GALNT18: variants seen among roughly 807,000 people sequenced by gnomAD.
GALNT18 encodes the protein polypeptide N-acetylgalactosaminyltransferase 18, also known as GalNAc-transferase 18.
Under a neutral mutation model 69.5 loss-of-function variants are expected in GALNT18, and 44 were observed. The observed-to-expected ratio is 0.63, with a 90% CI of 0.50 to 0.81. The LOEUF (loss-of-function observed/expected upper bound fraction) is 0.81, where lower values mean the gene tolerates loss of function less well. Ranked by LOEUF, GALNT18 falls within the 40% of genes least tolerant of loss-of-function variation. GALNT18 has a pLI of 0.00. For missense variants in GALNT18, 715 were observed against 810.0 expected, an observed-to-expected ratio of 0.88 and a Z score of 1.42; for synonymous variants, 364 against 318.2, an observed-to-expected ratio of 1.14 and a Z score of -1.53.
At chr11:11,512,867 T>C (rs1006760200) in intron 1 of GALNT18, among the ~76,000 whole-genome samples, 1 of 152,228 alleles carries the variant, frequency 6.6e-6, no homozygotes, top group African/African-American at 2.4e-5. Flanking sequence ...AGTCCCATAA[T>C]GACACTAACT....
chr11:11,275,673 A>G (rs1465551901), intron 10 of GALNT18, among the ~76,000 whole-genome samples: 2 of 151,864 alleles, frequency 1.3e-5, no homozygotes, highest in Admixed American at 1.3e-4. Context: ...TAGGTCTTAC[A>G]TTTAAGTCTT....
intron 1 of GALNT18, among the ~76,000 whole-genome samples, chr11:11,588,359 T>C (rs2133922519): frequency 6.6e-6 from 1 of 152,254 alleles, no homozygotes; most frequent in African/African-American, 2.4e-5. Context: ...GTGAGTACTG[T>C]TTAAATGTCT....
In GALNT18 at chr11:11,318,481, C is replaced by T. The variant is rs61242268; in HGVS notation, c.1512+8605G>A. On this transcript the variant is annotated intron_variant, in intron 9 of 10. Coordinates refer to ENST00000227756, the MANE Select transcript of GALNT18 (RefSeq NM_198516.3). The surrounding 1 kb of genome is among the most constrained non-coding windows in gnomAD (Gnocchi z 5.1). ...GGGACCAGCAGAAGTTAGGAGAGTGCCTGGAGTAGAATCTTTCCTAGGCCT... is the reference window on the plus strand; with the variant it reads ...GGGACCAGCAGAAGTTAGGAGAGTGTCTGGAGTAGAATCTTTCCTAGGCCT... Among the ~76,000 whole-genome samples, 1 of 152,022 alleles carries T rather than the reference C, an allele frequency of 6.6e-6. No homozygotes were observed. Among genetic ancestry groups the T allele is most frequent in the African/African-American group, 2.4e-5 (1 of 41,358 alleles).
intron 9 of GALNT18, among the ~76,000 whole-genome samples, chr11:11,316,798 T>C (rs1849764115): frequency 6.6e-6 from 1 of 152,226 alleles, no homozygotes; most frequent in Non-Finnish European, 1.5e-5. Flanking sequence ...GAAAGGAGTG[T>C]GGAGCAGTAG....
rs958336125 is a variant in GALNT18 at position 11,377,937 on chromosome 11, G to A, written c.780-558C>T. 6.6e-6 allele frequency among the ~76,000 whole-genome samples: 1 copy of A among 152,210 alleles called. No homozygotes were observed. The highest frequency in any genetic ancestry group is 2.4e-5 in the African/African-American group (1 of 41,458). On this transcript the variant is annotated intron_variant, in intron 4 of 10. Transcript: ENST00000227756. The surrounding 1 kb of genome is among the most constrained non-coding windows in gnomAD (Gnocchi z 4.6). The stretch of plus-strand genomic sequence containing the variant: ...ACCCAAGGAGGGGTGGGGCATTTGG[G>A]CTTTCCCAGGGAGCTGGGAGACCCT...
chr11:11,493,539 G>A (rs934653995), intron 1 of GALNT18, among the ~76,000 whole-genome samples: 1 of 152,174 alleles, frequency 6.6e-6, no homozygotes, highest in Non-Finnish European at 1.5e-5. Flanking sequence ...ATTGTTAAGA[G>A]AATTACGGAT....
rs751547389 is a variant in GALNT18, at chr11:11,358,301, A to G, written c.1092+14214T>C. ...ACATCTTCACTGTATGAATGAATAGACAGATGAATAATGCAAGCTTTTTGG... is the reference window on the plus strand; with the variant it reads ...ACATCTTCACTGTATGAATGAATAGGCAGATGAATAATGCAAGCTTTTTGG... On this transcript the variant is annotated intron_variant, in intron 6 of 10. Coordinates refer to ENST00000227756, the MANE Select transcript of GALNT18 (RefSeq NM_198516.3). 2.8e-5 allele frequency among the ~76,000 whole-genome samples: 4 copies of G among 140,602 alleles called. 1 individual carries two copies. The highest frequency in any genetic ancestry group is 6.4e-5 in the Non-Finnish European group (4 of 62,864). 92.2% of individuals were successfully genotyped at this position (140,602 alleles called of 152,430 possible). A position where few individuals can be genotyped will look rare whatever the true frequency, so the allele number is the denominator to read the frequency against.
intron 3 of GALNT18, among the ~76,000 whole-genome samples, chr11:11,395,365 C>T (rs977311363): frequency 2.0e-5 from 3 of 152,230 alleles, no homozygotes; most frequent in African/African-American, 7.2e-5. Context: ...TGCTTCAGTG[C>T]CCACTGTGTG....
intron 1 of GALNT18, among the ~76,000 whole-genome samples, chr11:11,509,456 C>T (rs867439072): frequency 6.6e-6 from 1 of 152,184 alleles, no homozygotes; most frequent in Non-Finnish European, 1.5e-5. Context: ...GGACCCAATA[C>T]ATCTTAATCT....
chr11:11,578,787 A>G (rs1858996047), intron 1 of GALNT18, among the ~76,000 whole-genome samples: 1 of 152,308 alleles, frequency 6.6e-6, no homozygotes, highest in African/African-American at 2.4e-5. Flanking sequence ...AGCAAAATCA[A>G]TGAAGGGGAG....
At chr11:11,352,621 C>T (rs765804531) in intron 6 of GALNT18, 6 of 1,614,058 alleles carry the variant, frequency 3.7e-6, no homozygotes, top group Non-Finnish European at 4.2e-6. Context: ...TTTCTGTGCT[C>T]ATGATCAATC....
chr11:11,356,122 A>G lies in GALNT18; in HGVS notation c.1093-15118T>C, dbSNP rs1304306401. Among the ~76,000 whole-genome samples, 1 of 152,224 alleles carries G rather than the reference A, an allele frequency of 6.6e-6. No homozygotes were observed. Among genetic ancestry groups the G allele is most frequent in the African/African-American group, 2.4e-5 (1 of 41,446 alleles). On this transcript the variant is annotated intron_variant, in intron 6 of 10. Transcript: ENST00000227756. This position sits in a 1 kb window ranked among gnomAD's most constrained non-coding sequence, Gnocchi z 4.4. ...GGTACCCTGCCCTTTGCATTGCTTT[A>G]CAAAGCCAAGAACATTTGTATTTGG...
rs1441145185 is a variant in GALNT18 at position 11,444,923 on chromosome 11, T to G, written c.428+3821A>C. 6.6e-6 allele frequency among the ~76,000 whole-genome samples: 1 copy of G among 152,234 alleles called. No homozygotes were observed. Among genetic ancestry groups the G allele is most frequent in the East Asian group, 1.9e-4 (1 of 5,200 alleles). ...AGCATGAATCTTCCAGAGACTGCAG[T>G]GACTGTGGGCTTCCTCTCCACATGC... On this transcript the variant is annotated intron_variant, in intron 2 of 10. Coordinates refer to ENST00000227756, the MANE Select transcript of GALNT18 (RefSeq NM_198516.3). This position sits in a 1 kb window ranked among gnomAD's most constrained non-coding sequence, Gnocchi z 4.4.
chr11:11,282,836 T>C (rs933755368), intron 10 of GALNT18, among the ~76,000 whole-genome samples: 1 of 152,212 alleles, frequency 6.6e-6, no homozygotes, highest in Non-Finnish European at 1.5e-5. Flanking sequence ...TCTTTGCTTT[T>C]GTAGAGACCA....
chr11:11,289,919 AAGGCTGAGGCTCAC>A (rs951837583), intron 10 of GALNT18, among the ~76,000 whole-genome samples: 2 of 152,170 alleles, frequency 1.3e-5, no homozygotes, highest in Admixed American at 6.5e-5. Flanking sequence ...TGAACACAGA[AAGGCTGAGGCTCAC>A]AGGCAGAGGA....
chr11:11,426,958 A>G (rs1855146214), intron 3 of GALNT18, among the ~76,000 whole-genome samples: 1 of 152,182 alleles, frequency 6.6e-6, no homozygotes, highest in African/African-American at 2.4e-5. Context: ...AAATTTTAAT[A>G]ATATACAGAC....
intron 9 of GALNT18, among the ~76,000 whole-genome samples, chr11:11,308,445 G>A (rs1564889639): frequency 6.6e-6 from 1 of 151,798 alleles, no homozygotes; most frequent in Non-Finnish European, 1.5e-5. Flanking sequence ...TCCCTTCCTT[G>A]CCCTCCCTCC....
chr11:11,316,623 C>T (rs1196974920), intron 9 of GALNT18, among the ~76,000 whole-genome samples: 2 of 152,220 alleles, frequency 1.3e-5, no homozygotes, highest in Non-Finnish European at 2.9e-5. Context: ...GAATTAAAGT[C>T]GCTTTCATCT....
chr11:11,514,895 T>C (rs368552826), intron 1 of GALNT18, among the ~76,000 whole-genome samples: 2 of 152,202 alleles, frequency 1.3e-5, no homozygotes, highest in South Asian at 4.1e-4. Flanking sequence ...CATGGGAGGA[T>C]GAAGGACCAG....
Sources: allele counts gnomAD v4.1 joint callset (sites outside exome capture counted in the v4.1 genomes callset), GRCh38; gene constraint gnomAD v4.1.1; non-coding constraint Gnocchi (gnomAD v3.1); transcripts MANE v1.5; gene names NCBI Gene and HGNC (gene_info 2026-07-23, HGNC 2026-07-21).